IL1RAPL2: variants seen among roughly 807,000 people sequenced by gnomAD.
IL1RAPL2 encodes interleukin 1 receptor accessory protein like 2, also known as X-linked interleukin-1 receptor accessory protein-like 2.
A neutral mutation model predicts 44.1 loss-of-function variants in IL1RAPL2; 3 were observed. That is an observed-to-expected ratio of 0.07 (90% CI 0.03 to 0.18). The LOEUF is 0.18. Among genes scored for constraint, IL1RAPL2 ranks in the 10% least tolerant of loss-of-function variants. IL1RAPL2 has a pLI of 1.00. For missense variants in IL1RAPL2, 391 were observed against 496.4 expected (o/e 0.79, Z 2.02); for synonymous variants, 181 against 178.8 (o/e 1.01, Z -0.10).
intron 7 of IL1RAPL2, among the ~76,000 whole-genome samples, chrX:105,730,656 T>A (rs1306368943): frequency 9.0e-6 from 1 of 111,063 alleles, no homozygotes; most frequent in Non-Finnish European, 1.9e-5. Flanking sequence ...TGAAATCATA[T>A]CAAGTATCTT....
intron 6 of IL1RAPL2, among the ~76,000 whole-genome samples, chrX:105,646,936 G>C (rs770273197): frequency 8.9e-6 from 1 of 112,424 alleles, no homozygotes; most frequent in Non-Finnish European, 1.9e-5. Flanking sequence ...GTGGTGGGCC[G>C]CTCCCAAGAT....
At chrX:104,910,042 A>G (rs754699497) in intron 2 of IL1RAPL2, among the ~76,000 whole-genome samples, 1 of 112,551 alleles carries the variant, frequency 8.9e-6, no homozygotes, top group African/African-American at 3.2e-5. Flanking sequence ...CAGGTGGGGA[A>G]TATAATCTCA....
intron 2 of IL1RAPL2, among the ~76,000 whole-genome samples, chrX:104,928,456 A>G (rs2147695588): frequency 9.0e-6 from 1 of 111,381 alleles, no homozygotes; most frequent in African/African-American, 3.3e-5. Context: ...CTTGGAAGAA[A>G]CATTTTAGCT....
chrX:104,724,459 T>G (rs1456885491), intron 2 of IL1RAPL2, among the ~76,000 whole-genome samples: 2 of 111,079 alleles, frequency 1.8e-5, no homozygotes, highest in Non-Finnish European at 3.8e-5. Flanking sequence ...AAACTTAAAG[T>G]ATAATAAAAA....
chrX:104,964,367 A>G (rs1412722511), intron 2 of IL1RAPL2, among the ~76,000 whole-genome samples: 1 of 108,821 alleles, frequency 9.2e-6, no homozygotes, highest in Non-Finnish European at 1.9e-5. Context: ...GCTGGAGTGC[A>G]GTGGTGTGAT....
At chrX:104,674,739 G>T (rs1879319057) in intron 2 of IL1RAPL2, among the ~76,000 whole-genome samples, 1 of 109,671 alleles carries the variant, frequency 9.1e-6, no homozygotes, top group Non-Finnish European at 1.9e-5. Flanking sequence ...GACTCTTTTT[G>T]GTTGGTAAGC....
intron 2 of IL1RAPL2, among the ~76,000 whole-genome samples, chrX:105,184,603 A>C (rs1556132796): frequency 2.7e-5 from 3 of 110,068 alleles, no homozygotes; most frequent in Non-Finnish European, 5.7e-5. Context: ...AATATAGCAT[A>C]TACCAAGTAT....
intron 2 of IL1RAPL2, among the ~76,000 whole-genome samples, chrX:104,734,580 AT>A (rs1931980634): frequency 8.9e-6 from 1 of 111,993 alleles, no homozygotes; most frequent in Non-Finnish European, 1.9e-5. Flanking sequence ...TTTATATGAC[AT>A]TCTGAAGAAG....
intron 2 of IL1RAPL2, among the ~76,000 whole-genome samples, chrX:105,041,523 C>T (rs1407163392): frequency 5.5e-5 from 6 of 109,445 alleles, no homozygotes; most frequent in Non-Finnish European, 9.5e-5. Flanking sequence ...TACCAAGGGA[C>T]GTGAAGGACC....
At chrX:105,377,634 AT>A (rs1447513952) in intron 5 of IL1RAPL2, among the ~76,000 whole-genome samples, 1 of 111,749 alleles carries the variant, frequency 8.9e-6, no homozygotes, top group Non-Finnish European at 1.9e-5. Flanking sequence ...TAAGAAAGTT[AT>A]AAGACAAAGT....
chrX:104,847,134 T>G (rs887106624), intron 2 of IL1RAPL2, among the ~76,000 whole-genome samples: 6 of 112,060 alleles, frequency 5.4e-5, no homozygotes, highest in Admixed American at 4.7e-4. Context: ...TTTCTCCCAT[T>G]CTGTAGGTTG....
At chrX:104,903,569 TTTTA>T (rs1205790466) in intron 2 of IL1RAPL2, among the ~76,000 whole-genome samples, 1 of 111,142 alleles carries the variant, frequency 9.0e-6, no homozygotes, top group Non-Finnish European at 1.9e-5. Context: ...AGTATTGCTA[TTTTA>T]TTTATTTATT....
At chrX:105,603,835 A>T (rs1309149374) in intron 6 of IL1RAPL2, among the ~76,000 whole-genome samples, 1 of 112,157 alleles carries the variant, frequency 8.9e-6, no homozygotes, top group Non-Finnish European at 1.9e-5. Context: ...ACAATGGAAT[A>T]AAGCTAGAAA....
At chrX:105,615,350 A>C (rs1383430049) in intron 6 of IL1RAPL2, among the ~76,000 whole-genome samples, 1 of 111,945 alleles carries the variant, frequency 8.9e-6, no homozygotes, top group Non-Finnish European at 1.9e-5. Flanking sequence ...AGAGAAATAA[A>C]ATCAGTATAT....
chrX:105,301,105 A>C (rs747751432), intron 5 of IL1RAPL2, among the ~76,000 whole-genome samples: 47 of 111,544 alleles, frequency 4.2e-4, no homozygotes, highest in Non-Finnish European at 7.7e-4. Context: ...TTGAAACATA[A>C]TTTTTCTCTC....
intron 6 of IL1RAPL2, among the ~76,000 whole-genome samples, chrX:105,704,759 T>A (rs765707358): frequency 2.3e-4 from 25 of 111,007 alleles, no homozygotes; most frequent in African/African-American, 6.2e-4. Context: ...TTAGCTATTT[T>A]TCCTAATGTT....
intron 2 of IL1RAPL2, among the ~76,000 whole-genome samples, chrX:105,078,084 G>C (rs779399189): frequency 6.3e-4 from 70 of 111,974 alleles, no homozygotes; most frequent in African/African-American, 2.2e-3. Flanking sequence ...GAGGAGCTGC[G>C]TTCCTTTGGA....
intron 2 of IL1RAPL2, among the ~76,000 whole-genome samples, chrX:104,891,110 T>G (rs974170883): frequency 3.6e-5 from 4 of 111,225 alleles, no homozygotes; most frequent in South Asian, 3.8e-4. Context: ...GATGGTTGTA[T>G]ATGTGTGGTA....
In IL1RAPL2 at chrX:105,555,429, C is replaced by T. The variant is rs1602465822; in HGVS notation, c.772+71042C>T. 2.7e-5 allele frequency among the ~76,000 whole-genome samples: 3 copies of T among 111,386 alleles called. 1 individual carries two copies. The Admixed American group carries it at 2.9e-4, about 11-fold the overall frequency. On this transcript the variant is annotated intron_variant, in intron 6 of 10. Transcript: ENST00000372582. ...GTTGTCTATTGTTCAGTTTGAAAAC[C>T]ATTATTTCATATCTTTCATCCACTT...
Sources: allele counts gnomAD v4.1 joint callset (sites outside exome capture counted in the v4.1 genomes callset), GRCh38; gene constraint gnomAD v4.1.1; transcripts MANE v1.5; gene names NCBI Gene and HGNC (gene_info 2026-07-23, HGNC 2026-07-21).